WDR27: variants seen among roughly 807,000 people sequenced by gnomAD.
The protein encoded by WDR27 is WD repeat-containing protein 27.
Under a neutral mutation model 114.4 loss-of-function variants are expected in WDR27, and 100 were observed. That is an observed-to-expected ratio of 0.87 (90% CI 0.74 to 1.03). WDR27 has a LOEUF of 1.03. Ranked by LOEUF, WDR27 falls within the 50% of genes least tolerant of loss-of-function variation. WDR27 has a pLI of 0.00. For synonymous variants in WDR27, 449 were observed against 423.1 expected (o/e 1.06, Z -0.75); for missense variants, 1,129 against 1,092.9 (o/e 1.03, Z -0.47).
chr6:169,534,271 A>G (rs564475755), intron 25 of WDR27, among the ~76,000 whole-genome samples: 2 of 152,064 alleles, frequency 1.3e-5, no homozygotes, highest in South Asian at 4.1e-4. Flanking sequence ...CTTTTCATAG[A>G]TTGCTAGATT....
intron 22 of WDR27, among the ~76,000 whole-genome samples, chr6:169,606,715 G>A (rs1809270117): frequency 1.3e-5 from 2 of 152,158 alleles, no homozygotes; most frequent in Non-Finnish European, 2.9e-5. Flanking sequence ...GTCTATCACT[G>A]ATGGGCATCT....
chr6:169,526,097 T>C (rs1368660154), intron 25 of WDR27, among the ~76,000 whole-genome samples: 2 of 152,096 alleles, frequency 1.3e-5, no homozygotes, highest in Non-Finnish European at 2.9e-5. Flanking sequence ...GGCAGGGGAA[T>C]GATGAGAAAT....
chr6:169,445,177 G>C, the WDR27 span, among the ~76,000 whole-genome samples: 1 of 152,200 alleles, frequency 6.6e-6, no homozygotes, highest in Non-Finnish European at 1.5e-5. Context: ...CATAAGAATT[G>C]TCACACGTGC....
chr6:169,645,485 C>T (rs139678561), intron 16 of WDR27, among the ~76,000 whole-genome samples: 314 of 151,256 alleles, frequency 2.1e-3, no homozygotes, highest in African/African-American at 6.4e-3. Context: ...GTATGAGTCT[C>T]ACTGTAGAAA....
At chr6:169,697,696 CCT>C (rs1786569121) in intron 1 of WDR27, among the ~76,000 whole-genome samples, 1 of 152,210 alleles carries the variant, frequency 6.6e-6, no homozygotes, top group Non-Finnish European at 1.5e-5. Flanking sequence ...CTCTCTGTCT[CCT>C]CTCTCTGCCT....
chr6:169,510,569 G>C (rs1322420812), intron 25 of WDR27, among the ~76,000 whole-genome samples: 1 of 147,122 alleles, frequency 6.8e-6, no homozygotes, highest in African/African-American at 2.5e-5. Context: ...CCCATAGGTG[G>C]GAATTGAACA....
intron 14 of WDR27, 59 bp from the exon 15 acceptor site, chr6:169,649,334 A>C (rs1821641870): frequency 3.0e-5 from 43 of 1,411,656 alleles, no homozygotes; most frequent in Non-Finnish European, 4.1e-5. Flanking sequence ...GTTTCTTAAG[A>C]GATTTATATT....
At chr6:169,647,536 G>A in intron 16 of WDR27, 1 of 597,684 alleles carries the variant, frequency 1.7e-6, no homozygotes, top group Non-Finnish European at 3.0e-6. Context: ...GCTAGTGAGT[G>A]AGTGCCAGTG....
intron 25 of WDR27, among the ~76,000 whole-genome samples, chr6:169,485,118 T>C (rs1788710334): frequency 6.6e-6 from 1 of 152,214 alleles, no homozygotes; most frequent in African/African-American, 2.4e-5. Flanking sequence ...CAGGCAAAGA[T>C]TTCATGACAA....
chr6:169,697,856 T>C (rs188052371), intron 1 of WDR27, among the ~76,000 whole-genome samples: 44 of 152,248 alleles, frequency 2.9e-4, no homozygotes, highest in African/African-American at 1.0e-3. Context: ...CCGGTCTCCG[T>C]GACTTGGTGG....
intron 1 of WDR27, among the ~76,000 whole-genome samples, chr6:169,689,608 A>AGG: frequency 6.6e-6 from 1 of 152,254 alleles, no homozygotes; most frequent in Non-Finnish European, 1.5e-5. Flanking sequence ...AGCATAAACT[A>AGG]ATGAAACACT....
intron 25 of WDR27, among the ~76,000 whole-genome samples, chr6:169,499,536 G>C (rs887692834): frequency 3.3e-5 from 5 of 152,222 alleles, no homozygotes; most frequent in African/African-American, 1.2e-4. Flanking sequence ...ATTAGAGTGT[G>C]AAGTCACTAT....
chr6:169,476,785 T>A (rs369386090), intron 25 of WDR27, among the ~76,000 whole-genome samples: 1 of 152,252 alleles, frequency 6.6e-6, no homozygotes, highest in Non-Finnish European at 1.5e-5. Flanking sequence ...TGTAACTAGA[T>A]ACTGCATGCA....
intron 16 of WDR27, chr6:169,647,531 T>C (rs1821095695): frequency 1.7e-6 from 1 of 591,798 alleles, no homozygotes; most frequent in East Asian, 3.0e-5. Context: ...TCGCTGCTAG[T>C]GAGTGAGTGC....
At chr6:169,632,069 T>C (rs1816541576) in intron 21 of WDR27, among the ~76,000 whole-genome samples, 1 of 151,108 alleles carries the variant, frequency 6.6e-6, no homozygotes, top group African/African-American at 2.4e-5. Flanking sequence ...ATGCCTGTAA[T>C]CCCAGCTACT....
chr6:169,578,507 T>C (rs1313495568), intron 24 of WDR27, among the ~76,000 whole-genome samples: 3 of 152,196 alleles, frequency 2.0e-5, no homozygotes, highest in Non-Finnish European at 4.4e-5. Flanking sequence ...AGGTATTTTA[T>C]CTTATTACAA....
At chr6:169,448,565 G>A in the WDR27 span, among the ~76,000 whole-genome samples, 9 of 152,240 alleles carry the variant, frequency 5.9e-5, no homozygotes, top group South Asian at 1.5e-3. Flanking sequence ...AGCCGGTGGC[G>A]GCTGCACTGC....
At position 169,645,023 on chromosome 6, in the gene WDR27, TAAAAAAAAAAAATAAAAAAAAAAA is replaced by T. The variant is rs1820218653; in HGVS notation, c.1658-1261_1658-1238del. On this transcript the variant is annotated intron_variant, in intron 16 of 25. Coordinates refer to ENST00000448612, the MANE Select transcript of WDR27 (RefSeq NM_182552.5). ...GACTCCGTCTCAAAAAAAAAAAAAA[TAAAAAAAAAAAATAAAAAAAAAAA>T]AAAAAAAAAAAGAAAATCCTAGTTC... 6.4e-5 allele frequency among the ~76,000 whole-genome samples: 3 copies of T among 46,982 alleles called. 1 individual carries two copies. In the East Asian group the frequency reaches 2.6e-3, roughly 41 times the overall value. The allele number at this position is 46,982 out of a possible 152,430, so 30.8% of individuals were successfully genotyped here.
At chr6:169,626,894 A>T (rs1814995722) in intron 21 of WDR27, among the ~76,000 whole-genome samples, 1 of 152,242 alleles carries the variant, frequency 6.6e-6, no homozygotes, top group South Asian at 2.1e-4. Context: ...CGCCAACAGC[A>T]CCACTGGGCA....
Sources: gnomAD v4.1 joint callset for allele counts (sites outside exome capture counted in the v4.1 genomes callset) on GRCh38, gnomAD v4.1.1 for gene constraint, MANE v1.5 for transcripts, NCBI Gene and HGNC (gene_info 2026-07-23, HGNC 2026-07-21) for gene names.